WBP2NL: variants seen among roughly 807,000 people sequenced by gnomAD.
The protein encoded by WBP2NL is WBP2 N-terminal like, also known as postacrosomal sheath WW domain-binding protein.
WBP2NL carries 27 observed loss-of-function variants against 23.3 expected under a neutral mutation model. The ratio of observed to expected loss-of-function variants is 1.16; its 90% CI spans 0.85 to 1.60. WBP2NL has a LOEUF of 1.60. Ranked by LOEUF, WBP2NL falls within the 40% of genes most tolerant of loss-of-function variation. The pLI is 0.00. For synonymous variants in WBP2NL, 151 were observed against 145.9 expected, an observed-to-expected ratio of 1.03 and a Z score of -0.25; for missense variants, 370 against 389.5, an observed-to-expected ratio of 0.95 and a Z score of 0.42.
rs1924665406 is a variant in WBP2NL at position 42,028,048 on chromosome 22, G to A, written c.*867G>A. The A allele has an allele frequency of 5.0e-6, 2 of 398,302 alleles. No individual in the cohort carries two copies. The highest frequency in any genetic ancestry group is 8.8e-6 in the Non-Finnish European group (2 of 226,010). 24.7% of individuals were successfully genotyped at this position (398,302 alleles called of 1,614,324 possible). On this transcript the variant is annotated 3_prime_UTR_variant, in exon 6 of 6. Coordinates refer to ENST00000328823, the MANE Select transcript of WBP2NL (RefSeq NM_152613.3). ...ATGGCACTTTCACATTTTAAAATAT[G>A]CCTGCGAGAAAACTTGCATGTGTGC...
downstream of WBP2NL, among the ~76,000 whole-genome samples, chr22:42,029,338 C>T (rs987892076): frequency 1.4e-5 from 2 of 145,936 alleles, no homozygotes; most frequent in African/African-American, 5.0e-5. Context: ...GTGGTGTGCA[C>T]TTGACCCAGA....
At chr22:42,037,295 C>A (rs1488563211), downstream of WBP2NL, among the ~76,000 whole-genome samples, 3 of 151,974 alleles carry the variant, frequency 2.0e-5, no homozygotes, top group Admixed American at 2.0e-4. Flanking sequence ...TGTTCTGTTC[C>A]ATTTTGTCTG....
downstream of WBP2NL, chr22:42,032,225 C>T (rs1352763848): frequency 6.6e-6 from 1 of 152,240 alleles, no homozygotes; most frequent in Admixed American, 6.6e-5. Context: ...CTGGCAGTCC[C>T]GTCAAGTCTA....
chr22:42,042,752 T>G (rs1925441411), intron 8 of WBP2NL, among the ~76,000 whole-genome samples: 1 of 152,132 alleles, frequency 6.6e-6, no homozygotes, highest in Non-Finnish European at 1.5e-5. Context: ...GCATAGGTGT[T>G]TGCACATTTA....
At chr22:42,024,895 C>T (rs778128934) in intron 5 of WBP2NL, among the ~76,000 whole-genome samples, 2 of 151,736 alleles carry the variant, frequency 1.3e-5, no homozygotes, top group Middle Eastern at 3.4e-3. Context: ...CTCTGCCTCC[C>T]GGGTTTAAGT....
chr22:42,050,661 A>C (rs912530306), intron 8 of WBP2NL, among the ~76,000 whole-genome samples: 12 of 68,814 alleles, frequency 1.7e-4, no homozygotes, highest in South Asian at 6.7e-4. Context: ...GTCCCCTCCC[A>C]AAAAAAAAAA....
chr22:42,017,982 C>T (rs554685707), intron 1 of WBP2NL, among the ~76,000 whole-genome samples: 71 of 152,102 alleles, frequency 4.7e-4, no homozygotes, highest in African/African-American at 1.6e-3. Context: ...AACCCCGTCT[C>T]TACCAAAAAA....
At chr22:42,036,979 G>A (rs1217100721), downstream of WBP2NL, among the ~76,000 whole-genome samples, 3 of 151,872 alleles carry the variant, frequency 2.0e-5, no homozygotes, top group Admixed American at 1.3e-4. Flanking sequence ...CTGTGCTTTT[G>A]GTGTCATATT....
chr22:42,038,782 T>A (rs1407463943), intron 8 of WBP2NL, among the ~76,000 whole-genome samples: 1 of 152,128 alleles, frequency 6.6e-6, no homozygotes, highest in Non-Finnish European at 1.5e-5. Flanking sequence ...TTTTGTACTT[T>A]TAGTAGAGAC....
At chr22:42,052,291 T>C (rs1925863530) in intron 8 of WBP2NL, among the ~76,000 whole-genome samples, 1 of 152,008 alleles carries the variant, frequency 6.6e-6, no homozygotes, top group African/African-American at 2.4e-5. Context: ...TTTTTTTTCC[T>C]CTTTTTTTTG....
chr22:42,021,736 G>T (rs1923993344), intron 4 of WBP2NL, among the ~76,000 whole-genome samples: 1 of 151,596 alleles, frequency 6.6e-6, no homozygotes, highest in South Asian at 2.1e-4. Context: ...TACAATCTCT[G>T]CCCTTAAGAC....
chr22:42,043,251 G>C (rs1169105459), intron 8 of WBP2NL, among the ~76,000 whole-genome samples: 4 of 152,158 alleles, frequency 2.6e-5, no homozygotes, highest in Admixed American at 2.0e-4. Flanking sequence ...TGTGATGTCA[G>C]CAACTGTGTG....
intron 1 of WBP2NL, among the ~76,000 whole-genome samples, chr22:42,007,398 C>T (rs1378007127): frequency 6.6e-6 from 1 of 152,098 alleles, no homozygotes; most frequent in African/African-American, 2.4e-5. Flanking sequence ...ATATAAAAAT[C>T]ATTGTTCAAA....
chr22:42,050,660 CA>C lies in WBP2NL; in HGVS notation c.*274-7619del, dbSNP rs71184860. On this transcript the variant is annotated intron_variant and NMD_transcript_variant, in intron 8 of 8. Transcript: ENST00000436265. ...GAGACTCCATTCCCCCGTCCCCTCC[CA>C]AAAAAAAAAACTAATTAAAAAATGG... 3.2e-3 allele frequency among the ~76,000 whole-genome samples: 466 copies of C among 143,998 alleles called. 2 individuals are homozygous for C. The highest frequency in any genetic ancestry group is 0.011 in the African/African-American group (430 of 38,326). 94.5% of individuals were successfully genotyped at this position (143,998 alleles called of 152,430 possible). A position where few individuals can be genotyped will look rare whatever the true frequency, so the allele number is the denominator to read the frequency against.
At chr22:42,040,677 G>T (rs1034959305) in intron 8 of WBP2NL, among the ~76,000 whole-genome samples, 4 of 152,156 alleles carry the variant, frequency 2.6e-5, no homozygotes, top group African/African-American at 9.7e-5. Context: ...CTTTTATCCA[G>T]TTGTTCAAGA....
chr22:42,014,217 G>A (rs759441169), intron 1 of WBP2NL, among the ~76,000 whole-genome samples: 13 of 152,108 alleles, frequency 8.5e-5, no homozygotes, highest in Non-Finnish European at 1.5e-4. Flanking sequence ...CACTGTTTCC[G>A]GCTCAGATAT....
chr22:42,044,353 G>A (rs920884946), intron 8 of WBP2NL, among the ~76,000 whole-genome samples: 8 of 152,094 alleles, frequency 5.3e-5, no homozygotes, highest in African/African-American at 1.9e-4. Context: ...TTATAAGCAT[G>A]TGCCACCGCG....
intron 8 of WBP2NL, among the ~76,000 whole-genome samples, chr22:42,049,972 G>A (rs1278726905): frequency 3.9e-4 from 33 of 85,110 alleles, no homozygotes; most frequent in African/African-American, 1.2e-3. Flanking sequence ...GCGAGACTCC[G>A]TCTCAAAAAA....
At chr22:42,013,395 AAAAAAG>A (rs559813205) in intron 1 of WBP2NL, among the ~76,000 whole-genome samples, 628 of 152,104 alleles carry the variant, frequency 4.1e-3, no homozygotes, top group Non-Finnish European at 6.7e-3. Context: ...TCAAAAAAAA[AAAAAAG>A]AAAAAGAAAA....
Sources: allele counts gnomAD v4.1 joint callset (sites outside exome capture counted in the v4.1 genomes callset), GRCh38; gene constraint gnomAD v4.1.1; transcripts MANE v1.5; gene names NCBI Gene and HGNC (gene_info 2026-07-23, HGNC 2026-07-21).